The following PLCG2 variants were observed in gnomAD, a reference collection of about 807,000 sequenced individuals.
PLCG2 encodes phospholipase C gamma 2.
Under a neutral mutation model 175.6 loss-of-function variants are expected in PLCG2, and 69 were observed. That is an observed-to-expected ratio of 0.39 (90% CI 0.32 to 0.48). PLCG2 has a LOEUF of 0.48. Ranked by LOEUF, PLCG2 falls within the 20% of genes least tolerant of loss-of-function variation. The pLI is 0.91. For synonymous variants in PLCG2, 827 were observed against 624.0 expected (o/e 1.33, Z -4.85); for missense variants, 1,798 against 1,650.9 (o/e 1.09, Z -1.54).
chr16:81,946,554 C>G (rs1438004990), intron 31 of PLCG2, among the ~76,000 whole-genome samples: 3 of 152,112 alleles, frequency 2.0e-5, no homozygotes, highest in Non-Finnish European at 4.4e-5. Context: ...AGAGCCAGGC[C>G]AGATGATGCC....
At chr16:81,873,643 C>T (rs935197036) in intron 7 of PLCG2, among the ~76,000 whole-genome samples, 5 of 151,900 alleles carry the variant, frequency 3.3e-5, no homozygotes, top group Admixed American at 3.3e-4. Context: ...ATAAGATTTG[C>T]ACATGGCTGG....
upstream of PLCG2, among the ~76,000 whole-genome samples, chr16:81,774,344 A>G (rs1163161321): frequency 6.6e-6 from 1 of 151,836 alleles, no homozygotes; most frequent in East Asian, 1.9e-4. Flanking sequence ...AAAAAACAAA[A>G]CAAAACAAAA....
chr16:81,871,484 G>A (rs756376243), intron 7 of PLCG2, among the ~76,000 whole-genome samples: 2 of 152,048 alleles, frequency 1.3e-5, no homozygotes, highest in Non-Finnish European at 2.9e-5. Context: ...GATTGCAGAC[G>A]TGCGCCACCA....
intron 2 of PLCG2, among the ~76,000 whole-genome samples, chr16:81,770,394 A>G (rs1910251800): frequency 6.6e-6 from 1 of 152,240 alleles, no homozygotes; most frequent in Non-Finnish European, 1.5e-5. Flanking sequence ...GAGACATGTG[A>G]ACATATTGAA....
chr16:81,865,925 C>T (rs1006509587), intron 5 of PLCG2, among the ~76,000 whole-genome samples: 1 of 131,906 alleles, frequency 7.6e-6, no homozygotes, highest in Non-Finnish European at 1.6e-5. Context: ...ACTGGGGCAC[C>T]AGCATGAGAG....
upstream of PLCG2, among the ~76,000 whole-genome samples, chr16:81,774,780 C>T (rs376816252): frequency 7.2e-5 from 11 of 151,826 alleles, no homozygotes; most frequent in East Asian, 1.2e-3. Flanking sequence ...ACTCTGTTGC[C>T]CAGGCTGGAA....
intron 2 of PLCG2, among the ~76,000 whole-genome samples, chr16:81,813,763 GTC>G (rs147496783): frequency 0.21 from 31,434 of 152,024 alleles, 3,585 homozygotes; most frequent in Non-Finnish European, 0.27. Context: ...TTTGTGCAGC[GTC>G]TCTCCCTGTT....
At chr16:81,824,041 TTCCTTTCCTGTCCTGTCCTG>T (rs1418749349) in intron 2 of PLCG2, among the ~76,000 whole-genome samples, 31 of 75,978 alleles carry the variant, frequency 4.1e-4, no homozygotes, top group East Asian at 1.1e-3. Context: ...TTCCTTTCCT[TTCCTTTCCTGTCCTGTCCTG>T]TCCTGTCCTG....
intron 1 of PLCG2, among the ~76,000 whole-genome samples, chr16:81,749,141 T>C (rs1382411127): frequency 6.6e-6 from 1 of 152,066 alleles, no homozygotes; most frequent in Non-Finnish European, 1.5e-5. Flanking sequence ...CAGGGTTTGA[T>C]TTACATGTTC....
At chr16:81,840,103 G>C (rs751646958) in intron 2 of PLCG2, among the ~76,000 whole-genome samples, 36 of 152,208 alleles carry the variant, frequency 2.4e-4, no homozygotes, top group Non-Finnish European at 4.7e-4. Flanking sequence ...GGGGGTGTTA[G>C]TGGTGAGCAC....
intron 2 of PLCG2, among the ~76,000 whole-genome samples, chr16:81,762,773 C>G (rs1394153595): frequency 1.3e-5 from 2 of 152,106 alleles, no homozygotes; most frequent in Admixed American, 1.3e-4. Flanking sequence ...AGGCAGAGCC[C>G]CTTCAAATGG....
At chr16:81,797,173 C>G (rs1240376133) in intron 2 of PLCG2, among the ~76,000 whole-genome samples, 1 of 151,964 alleles carries the variant, frequency 6.6e-6, no homozygotes, top group Non-Finnish European at 1.5e-5. Context: ...TCTGGGAATG[C>G]AGGTATATTT....
At chr16:81,785,277 C>T (rs1379801227) in intron 1 of PLCG2, among the ~76,000 whole-genome samples, 2 of 152,112 alleles carry the variant, frequency 1.3e-5, no homozygotes, top group Non-Finnish European at 1.5e-5. Flanking sequence ...TGGGGCATTT[C>T]TGAACACTCC....
At position 81,937,919 on chromosome 16, in the gene PLCG2, C is replaced by T. The variant is rs1184230583; in HGVS notation, c.3198+16C>T. ...GACAGTCAAGGTAAAGCCAGCCCTC[C>T]CTTCCTGCCAGGGGAGCCAGCCGCC... is the stretch of plus-strand genomic sequence containing the variant. On this transcript the variant is annotated intron_variant, in intron 28 of 32. Coordinates refer to ENST00000564138, the MANE Select transcript of PLCG2 (RefSeq NM_002661.5). The T allele has an allele frequency of 6.2e-7, 1 of 1,613,194 alleles. No homozygotes were observed. The highest frequency in any genetic ancestry group is 1.7e-5 in the Admixed American group (1 of 59,986).
chr16:81,915,085 G>A (rs948536836), intron 19 of PLCG2, among the ~76,000 whole-genome samples: 2 of 152,230 alleles, frequency 1.3e-5, no homozygotes, highest in Admixed American at 6.5e-5. Context: ...TCACTGAGAA[G>A]CACTGAGGAG....
At position 81,931,561 on chromosome 16, in the gene PLCG2, C is replaced by T. The variant is rs756173730; in HGVS notation, c.2646C>T (p.Gly882=). 30 of 1,613,868 alleles carry T rather than the reference C, an allele frequency of 1.9e-5. No homozygotes were observed. The highest frequency in any genetic ancestry group is 1.0e-4 in the Admixed American group (6 of 59,990). The change falls in exon 25 of 33, where the codon GGC becomes GGT. Residue 882 remains glycine, a synonymous_variant. Coordinates refer to ENST00000564138, the MANE Select transcript of PLCG2 (RefSeq NM_002661.5). ...FVFILEPKQQ[G]DPPVEFATDR... ...TCATCCTGGAGCCCAAGCAGCAGGGCGATCCTCCGGTGGAGTTTGCCACAG... is the reference window on the plus strand; with the variant it reads ...TCATCCTGGAGCCCAAGCAGCAGGGTGATCCTCCGGTGGAGTTTGCCACAG...
chr16:81,885,462 CCCACTTTG>C (rs1908314660), intron 9 of PLCG2, among the ~76,000 whole-genome samples: 1 of 152,222 alleles, frequency 6.6e-6, no homozygotes, highest in Non-Finnish European at 1.5e-5. Context: ...CTGTGCCCGG[CCCACTTTG>C]CCAGTTTTAT....
At chr16:81,922,215 C>T (rs1181884428) in intron 21 of PLCG2, among the ~76,000 whole-genome samples, 1 of 152,206 alleles carries the variant, frequency 6.6e-6, no homozygotes, top group Non-Finnish European at 1.5e-5. Context: ...CTCCTAGAAC[C>T]CACATTGCTT....
upstream of PLCG2, among the ~76,000 whole-genome samples, chr16:81,776,390 T>G (rs1299687203): frequency 6.6e-6 from 1 of 152,020 alleles, no homozygotes; most frequent in Non-Finnish European, 1.5e-5. Flanking sequence ...ATTACAGGCG[T>G]GAGCCACCGC....
Sources: allele counts gnomAD v4.1 joint callset (sites outside exome capture counted in the v4.1 genomes callset), GRCh38; gene constraint gnomAD v4.1.1; transcripts MANE v1.5; gene names NCBI Gene and HGNC (gene_info 2026-07-23, HGNC 2026-07-21).